LARGE1: variants seen among roughly 807,000 people sequenced by gnomAD.
LARGE1 encodes the protein LARGE xylosyl- and glucuronyltransferase 1.
LARGE1 carries 43 observed loss-of-function variants against 87.6 expected under a neutral mutation model. The observed-to-expected ratio is 0.49, with a 90% CI of 0.38 to 0.63. The LOEUF (loss-of-function observed/expected upper bound fraction) is 0.63, where lower values mean the gene tolerates loss of function less well. LARGE1 is among the 30% of genes least tolerant of loss of function. LARGE1 has a pLI of 0.00. For synonymous variants in LARGE1, 434 were observed against 394.6 expected (o/e 1.10, Z -1.18); for missense variants, 802 against 1,000.2 (o/e 0.80, Z 2.67).
intron 6 of LARGE1, among the ~76,000 whole-genome samples, chr22:33,538,369 C>G (rs2077097144): frequency 6.6e-6 from 1 of 152,230 alleles, no homozygotes. Context: ...GCAAGAATCA[C>G]TTCTCTTTCT....
rs190015617 is a variant in LARGE1, at chr22:33,303,279, T to C, written c.1730+950A>G. ...TGGAGATTCACAGAAGCAGTTGTCA[T>C]GGTGCTTATGCACTTGGCTCTGCAG... On this transcript the variant is annotated intron_variant, in intron 12 of 14. Coordinates refer to ENST00000397394, the MANE Select transcript of LARGE1 (RefSeq NM_133642.5). Among the ~76,000 whole-genome samples the C allele has an allele frequency of 5.1e-4, 78 of 152,346 alleles. No individual in the cohort carries two copies. The East Asian group carries it at 0.012, about 23-fold the overall frequency.
intron 6 of LARGE1, among the ~76,000 whole-genome samples, chr22:33,452,405 A>G (rs1419094171): frequency 6.6e-6 from 1 of 152,218 alleles, no homozygotes; most frequent in East Asian, 1.9e-4. Context: ...AATGCCAGCA[A>G]AAGAAGAAAG....
chr22:33,677,891 G>A (rs761577745), intron 2 of LARGE1, among the ~76,000 whole-genome samples: 7 of 152,146 alleles, frequency 4.6e-5, no homozygotes, highest in South Asian at 4.1e-4. Flanking sequence ...AAGATGGAAC[G>A]CGGTCCTCCA....
At chr22:33,904,382 C>CT (rs1476898898) in intron 1 of LARGE1, among the ~76,000 whole-genome samples, 1 of 152,232 alleles carries the variant, frequency 6.6e-6, no homozygotes, top group African/African-American at 2.4e-5. Flanking sequence ...TCTCAATCTC[C>CT]TGACCTCGTG....
At chr22:33,448,769 T>C (rs2067790771) in intron 6 of LARGE1, among the ~76,000 whole-genome samples, 1 of 152,154 alleles carries the variant, frequency 6.6e-6, no homozygotes, top group Admixed American at 6.5e-5. Context: ...TACAACTCAA[T>C]GAATTCACCC....
the LARGE1 span, among the ~76,000 whole-genome samples, chr22:33,071,995 T>C: frequency 2.0e-5 from 3 of 152,256 alleles, no homozygotes; most frequent in East Asian, 1.9e-4. Context: ...AAATGCAGAT[T>C]GGAGCACTAC....
intron 1 of LARGE1, among the ~76,000 whole-genome samples, chr22:33,844,243 T>G (rs1389930445): frequency 3.9e-5 from 6 of 152,078 alleles, no homozygotes; most frequent in Non-Finnish European, 8.8e-5. Context: ...TGAGAGCAGG[T>G]GAAACAAGCA....
intron 2 of LARGE1, among the ~76,000 whole-genome samples, chr22:33,684,961 G>T (rs1288632668): frequency 6.6e-6 from 1 of 152,188 alleles, no homozygotes; most frequent in East Asian, 1.9e-4. Flanking sequence ...TCATTCTGAG[G>T]ATTTTCAGGT....
chr22:33,591,873 T>A (rs908162664), intron 5 of LARGE1, among the ~76,000 whole-genome samples: 9 of 148,138 alleles, frequency 6.1e-5, no homozygotes, highest in African/African-American at 1.3e-4. Flanking sequence ...TTTTTTTTTT[T>A]AAATTAGCCA....
chr22:33,604,288 A>C (rs1314539733), intron 5 of LARGE1, 147 bp downstream of exon 5: 1 of 1,055,854 alleles, frequency 9.5e-7, no homozygotes, highest in African/African-American at 1.6e-5. Context: ...TAATAAAATC[A>C]GATTCTGCTG....
At chr22:33,347,682 C>G (rs569224654) in intron 9 of LARGE1, among the ~76,000 whole-genome samples, 2 of 152,286 alleles carry the variant, frequency 1.3e-5, no homozygotes, top group African/African-American at 4.8e-5. Context: ...GCAGACAAAC[C>G]TACAAGCCAG....
At chr22:33,565,212 A>G (rs1185341920) in intron 5 of LARGE1, among the ~76,000 whole-genome samples, 193 bp from the exon 6 acceptor site, 1 of 152,212 alleles carries the variant, frequency 6.6e-6, no homozygotes, top group African/African-American at 2.4e-5. Context: ...TCTGGAGGAA[A>G]ATGTATCTGA....
chr22:33,896,592 G>A (rs1053596791), intron 1 of LARGE1, among the ~76,000 whole-genome samples: 5 of 152,124 alleles, frequency 3.3e-5, no homozygotes, highest in South Asian at 2.1e-4. Flanking sequence ...TGAGAGCAAC[G>A]TCCTATTGTT....
rs535056901 is a variant in LARGE1, at chr22:33,809,047, G to A, written c.-82-47489C>T. On this transcript the variant is annotated intron_variant, in intron 1 of 14. Coordinates refer to ENST00000397394, the MANE Select transcript of LARGE1 (RefSeq NM_133642.5). ...AGCACTTTGGGAGGCCAAGGTGGGC[G>A]GATCACCCGAGGTCAGGAGTTCAAG... Among the ~76,000 whole-genome samples the A allele has an allele frequency of 1.2e-4, 18 of 151,572 alleles. No individual in the cohort carries two copies. The South Asian group carries it at 2.3e-3, about 19-fold the overall frequency.
chr22:33,297,005 G>A (rs1247748911), intron 12 of LARGE1, among the ~76,000 whole-genome samples: 5 of 152,244 alleles, frequency 3.3e-5, no homozygotes, highest in Non-Finnish European at 7.3e-5. Flanking sequence ...TTGGCGCATA[G>A]TAAGTGCTCA....
chr22:33,283,862 A>G (rs962475390), intron 12 of LARGE1, among the ~76,000 whole-genome samples: 7 of 151,962 alleles, frequency 4.6e-5, no homozygotes, highest in African/African-American at 1.7e-4. Context: ...AAAAGTAAAG[A>G]AAGAAAAAAG....
At chr22:33,096,786 C>CT in the LARGE1 span, among the ~76,000 whole-genome samples, 2 of 152,152 alleles carry the variant, frequency 1.3e-5, 1 homozygote, top group Admixed American at 1.3e-4. Context: ...AGGATGGTCT[C>CT]TATCTCCTGA....
intron 9 of LARGE1, among the ~76,000 whole-genome samples, chr22:33,377,067 C>G (rs2065015105): frequency 6.6e-6 from 1 of 152,188 alleles, no homozygotes; most frequent in South Asian, 2.1e-4. Flanking sequence ...AACAGTGACA[C>G]TTTTGGGGAA....
intron 6 of LARGE1, among the ~76,000 whole-genome samples, chr22:33,528,130 CG>C (rs367671001): frequency 0.14 from 1,935 of 13,742 alleles, 33 homozygotes; most frequent in African/African-American, 0.28. Context: ...TGGCAGAGGT[CG>C]GGGGGGGCGG....
Sources: gnomAD v4.1 joint callset for allele counts (sites outside exome capture counted in the v4.1 genomes callset) on GRCh38, gnomAD v4.1.1 for gene constraint, MANE v1.5 for transcripts, NCBI Gene and HGNC (gene_info 2026-07-23, HGNC 2026-07-21) for gene names.